The following SPRY3 variants were observed in gnomAD, a reference collection of about 807,000 sequenced individuals.
SPRY3 encodes protein sprouty homolog 3.
In SPRY3, 15 loss-of-function variants were observed where a neutral mutation model predicts 20.2. The observed-to-expected ratio is 0.74, with a 90% CI of 0.50 to 1.14. SPRY3 has a LOEUF of 1.14. Ranked by LOEUF, SPRY3 falls within the 50% of genes most tolerant of loss-of-function variation. SPRY3 has a pLI of 0.00. For synonymous variants in SPRY3, 143 were observed against 136.5 expected (o/e 1.05, Z -0.33); for missense variants, 364 against 363.9 (o/e 1.00, Z 0.00).
chrX:155,744,358 T>A (rs2091216366), intron 2 of SPRY3, among the ~76,000 whole-genome samples: 1 of 152,060 alleles, frequency 6.6e-6, no homozygotes, highest in African/African-American at 2.4e-5. Flanking sequence ...CCTTAGGATC[T>A]CCTGAGGCAG....
chrX:155,716,404 T>C (rs1357888280), intron 2 of SPRY3, among the ~76,000 whole-genome samples: 2 of 152,178 alleles, frequency 1.3e-5, no homozygotes, highest in Non-Finnish European at 2.9e-5. Flanking sequence ...TAAAGATTGC[T>C]TCCTTCAATT....
At chrX:155,652,770 A>G (rs1158286675) in intron 1 of SPRY3, among the ~76,000 whole-genome samples, 1 of 111,845 alleles carries the variant, frequency 8.9e-6, no homozygotes, top group African/African-American at 3.2e-5. Context: ...ATGATATAGT[A>G]ACTTTATGTG....
At chrX:155,770,481 G>A (rs1359017695) in intron 3 of SPRY3, among the ~76,000 whole-genome samples, 3 of 152,080 alleles carry the variant, frequency 2.0e-5, no homozygotes, top group Non-Finnish European at 4.4e-5. Context: ...TGAGCACCTG[G>A]CCAGAGAGAC....
At chrX:155,649,037 T>A (rs1006516529) in intron 1 of SPRY3, among the ~76,000 whole-genome samples, 2 of 111,769 alleles carry the variant, frequency 1.8e-5, no homozygotes, top group Non-Finnish European at 3.8e-5. Context: ...GATACATTCC[T>A]GAACACATAC....
At chrX:155,650,890 G>T (rs2067975203) in intron 1 of SPRY3, among the ~76,000 whole-genome samples, 1 of 111,825 alleles carries the variant, frequency 8.9e-6, no homozygotes, top group African/African-American at 3.2e-5. Context: ...TTCTTCAATA[G>T]CATCATTTTT....
At chrX:155,781,469 A>C (rs1240535596), downstream of SPRY3, 1 of 167,032 alleles carries the variant, frequency 6.0e-6, no homozygotes, top group Admixed American at 6.6e-5. Context: ...ATAAATGCAG[A>C]TAGTGAGGCT....
At chrX:155,639,284 A>G (rs1238533074) in intron 1 of SPRY3, among the ~76,000 whole-genome samples, 3 of 112,474 alleles carry the variant, frequency 2.7e-5, no homozygotes, top group Non-Finnish European at 5.6e-5. Flanking sequence ...CCATAATGCC[A>G]TCACCACAAT....
rs1220382529 is a variant in SPRY3, at chrX:155,633,403, AG to A, written c.-441+20757del. 2.9e-3 allele frequency among the ~76,000 whole-genome samples: 307 copies of A among 104,354 alleles called. 1 individual carries two copies. Among genetic ancestry groups the A allele is most frequent in the African/African-American group, 0.01 (288 of 28,279 alleles). 90.6% of individuals were successfully genotyped at this position (104,354 alleles called of 115,157 possible). A position where few individuals can be genotyped will look rare whatever the true frequency, so the allele number is the denominator to read the frequency against. On this transcript the variant is annotated intron_variant, in intron 1 of 3. Coordinates refer to ENST00000675360, the Ensembl canonical transcript of SPRY3. Reference sequence around the variant, plus strand: ...AAAAAAAAAAAAAAAAAAAAAAAAAAGTTCATAGACCTAGAGCTCTGTGATC... The same window carrying A: ...AAAAAAAAAAAAAAAAAAAAAAAAAATTCATAGACCTAGAGCTCTGTGATC...
intron 1 of SPRY3, among the ~76,000 whole-genome samples, chrX:155,634,992 C>T (rs1207211548): frequency 9.1e-6 from 1 of 109,525 alleles, no homozygotes; most frequent in Non-Finnish European, 1.9e-5. Context: ...CACCCATCAA[C>T]CCTTCATCTC....
At chrX:155,694,181 C>T (rs1015527806) in intron 2 of SPRY3, among the ~76,000 whole-genome samples, 1 of 111,558 alleles carries the variant, frequency 9.0e-6, no homozygotes, top group African/African-American at 3.3e-5. Context: ...TCTTTGTTCC[C>T]TCTGTTTTAT....
intron 2 of SPRY3, among the ~76,000 whole-genome samples, chrX:155,673,146 A>G (rs1416410704): frequency 2.9e-5 from 3 of 102,528 alleles, no homozygotes; most frequent in Admixed American, 2.1e-4. Context: ...GCACACCAGC[A>G]TGGCACATGT....
intron 1 of SPRY3, among the ~76,000 whole-genome samples, chrX:155,638,793 C>G (rs1302556624): frequency 1.8e-5 from 2 of 111,489 alleles, no homozygotes; most frequent in Non-Finnish European, 3.8e-5. Context: ...TCACCCTACC[C>G]TATGTTCCAG....
intron 2 of SPRY3, among the ~76,000 whole-genome samples, chrX:155,707,727 T>C (rs1211286555): frequency 1.3e-5 from 2 of 151,268 alleles, no homozygotes; most frequent in African/African-American, 4.8e-5. Flanking sequence ...CATATCAATA[T>C]AGCCATTTCA....
At chrX:155,758,709 A>G (rs976357704) in intron 2 of SPRY3, among the ~76,000 whole-genome samples, 8 of 152,342 alleles carry the variant, frequency 5.3e-5, no homozygotes, top group Non-Finnish European at 7.3e-5. Context: ...GTGTGGAAGC[A>G]TGTGTTTTAT....
intron 1 of SPRY3, among the ~76,000 whole-genome samples, chrX:155,616,100 G>GTCTCTCTCTCTCTCTC (rs781921618): frequency 4.7e-5 from 2 of 42,890 alleles, no homozygotes; most frequent in African/African-American, 1.2e-4. Flanking sequence ...TTTATCTGGG[G>GTCTCTCTCTCTCTCTC]TCTCTCTCTC....
chrX:155,720,753 G>A (rs1464428241), intron 2 of SPRY3, among the ~76,000 whole-genome samples: 1 of 151,934 alleles, frequency 6.6e-6, no homozygotes, highest in Non-Finnish European at 1.5e-5. Context: ...CCCTAAAGTG[G>A]ATACAGCTTA....
At chrX:155,745,126 A>G in intron 2 of SPRY3, among the ~76,000 whole-genome samples, 1 of 152,168 alleles carries the variant, frequency 6.6e-6, no homozygotes, top group South Asian at 2.1e-4. Flanking sequence ...GCTCTAGAGA[A>G]AACTATCTTT....
intron 2 of SPRY3, among the ~76,000 whole-genome samples, chrX:155,733,924 T>G (rs1474527555): frequency 6.6e-6 from 1 of 152,142 alleles, no homozygotes. Context: ...CTTCCTTGCT[T>G]CATAGAATTG....
intron 2 of SPRY3, among the ~76,000 whole-genome samples, chrX:155,750,074 T>C (rs1315978000): frequency 6.6e-6 from 1 of 151,858 alleles, no homozygotes; most frequent in Non-Finnish European, 1.5e-5. Flanking sequence ...AGAATACATA[T>C]ACACCATAGA....
Sources: gnomAD v4.1 joint callset for allele counts (sites outside exome capture counted in the v4.1 genomes callset) on GRCh38, gnomAD v4.1.1 for gene constraint, MANE v1.5 for transcripts, NCBI Gene and HGNC (gene_info 2026-07-23, HGNC 2026-07-21) for gene names.